EPS15: variants seen among roughly 807,000 people sequenced by gnomAD.
EPS15 encodes the protein epidermal growth factor receptor pathway substrate 15, also known as epidermal growth factor receptor substrate 15.
EPS15 carries 72 observed loss-of-function variants against 113.8 expected under a neutral mutation model. The observed-to-expected ratio is 0.63, with a 90% CI of 0.52 to 0.77. The LOEUF (loss-of-function observed/expected upper bound fraction) is 0.77. EPS15 is among the 30% of genes least tolerant of loss of function. The pLI is 0.00. For missense variants in EPS15, 1,048 were observed against 1,045.8 expected (o/e 1.00, Z -0.03); for synonymous variants, 344 against 363.4 (o/e 0.95, Z 0.61).
intron 1 of EPS15, among the ~76,000 whole-genome samples, chr1:51,495,864 C>T (rs543071918): frequency 1.3e-4 from 20 of 152,210 alleles, no homozygotes; most frequent in African/African-American, 4.6e-4. Context: ...GGTAAATAAA[C>T]ATGCCAATAT....
chr1:51,394,830 C>T (rs1335635826), intron 20 of EPS15, among the ~76,000 whole-genome samples: 1 of 152,090 alleles, frequency 6.6e-6, no homozygotes, highest in Admixed American at 6.6e-5. Context: ...CATAATCTTG[C>T]TAGTTGTATA....
rs370978618 is a variant in EPS15, at chr1:51,496,412, A to G, written c.34-15098T>C. 9.2e-5 allele frequency among the ~76,000 whole-genome samples: 14 copies of G among 152,304 alleles called. No individual in the cohort carries two copies. In the South Asian group the frequency reaches 2.5e-3, roughly 27 times the overall value. On this transcript the variant is annotated intron_variant, in intron 1 of 24. Coordinates refer to ENST00000371733, the MANE Select transcript of EPS15 (RefSeq NM_001981.3). ...CAGAGAAGTATACCATATTCCCCCA[A>G]TTCTAAGAAACCTTTAGTTGTAAGT... is the stretch of plus-strand genomic sequence containing the variant.
At chr1:51,473,207 C>G (rs1427863512) in intron 2 of EPS15, among the ~76,000 whole-genome samples, 1 of 152,130 alleles carries the variant, frequency 6.6e-6, no homozygotes, top group Non-Finnish European at 1.5e-5. Flanking sequence ...AGAGGATTGT[C>G]AAAGCAAATT....
chr1:51,420,659 A>G (rs1650667273), intron 13 of EPS15, among the ~76,000 whole-genome samples: 1 of 152,186 alleles, frequency 6.6e-6, no homozygotes, highest in African/African-American at 2.4e-5. Context: ...TGCCAGAGAG[A>G]GAATTATATT....
At chr1:51,406,245 GCAGGAGGACTGCTTCAGCC>G (rs1283133126) in intron 15 of EPS15, 137 bp from the exon 16 acceptor site, 2 of 690,922 alleles carry the variant, frequency 2.9e-6, no homozygotes, top group Non-Finnish European at 4.9e-6. Flanking sequence ...GGAAACTGAG[GCAGGAGGACTGCTTCAGCC>G]CAGGAGTTCA....
chr1:51,370,349 A>G (rs1646616569), intron 21 of EPS15, among the ~76,000 whole-genome samples: 1 of 152,102 alleles, frequency 6.6e-6, no homozygotes, highest in Non-Finnish European at 1.5e-5. Context: ...TGGATTTCAG[A>G]TTTTTGCAGA....
intron 13 of EPS15, among the ~76,000 whole-genome samples, chr1:51,415,474 T>C (rs1011728028): frequency 2.0e-4 from 31 of 152,114 alleles, no homozygotes; most frequent in Admixed American, 8.5e-4. Flanking sequence ...TGTCTCTCTA[T>C]GTCTATTTCT....
At chr1:51,442,342 G>A (rs973969607) in intron 11 of EPS15, among the ~76,000 whole-genome samples, 6 of 152,008 alleles carry the variant, frequency 3.9e-5, no homozygotes, top group Admixed American at 1.3e-4. Flanking sequence ...ATGTACCAAA[G>A]AACTTGTGAC....
intron 12 of EPS15, among the ~76,000 whole-genome samples, chr1:51,426,532 AC>A (rs1287483308): frequency 1.3e-5 from 2 of 150,740 alleles, no homozygotes; most frequent in African/African-American, 4.9e-5. Context: ...GACAAACACG[AC>A]CCTAGATGTT....
rs1646226168 is a variant in EPS15 at position 51,356,761 on chromosome 1, T to C, written c.2630A>G (p.Gln877Arg). Reference sequence around the variant, plus strand: ...AGCCAGTTCTAAGTCTTCTTGTTCCTGCTGATTTAGTCGGGCAAGCCTCTG... The same window carrying C: ...AGCCAGTTCTAAGTCTTCTTGTTCCCGCTGATTTAGTCGGGCAAGCCTCTG... ...EEQRLARLNQ[Q>R]EQEDLELAIA... Residue 877 changes from glutamine to arginine, a missense_variant, in exon 25 of 25, where the codon CAG (glutamine) becomes CGG (arginine). Physicochemically the swap from Gln to Arg is conservative, Grantham distance 43 (BLOSUM62 1). Coordinates refer to ENST00000371733, the MANE Select transcript of EPS15 (RefSeq NM_001981.3). 6.2e-7 allele frequency: 1 copy of C among 1,613,900 alleles called. No individual in the cohort carries two copies. The highest frequency in any genetic ancestry group is 8.5e-7 in the Non-Finnish European group (1 of 1,179,862).
chr1:51,421,450 C>G (rs1650746386), intron 13 of EPS15, among the ~76,000 whole-genome samples: 1 of 151,984 alleles, frequency 6.6e-6, no homozygotes. Context: ...AGATGATGAT[C>G]TCACTCTAAT....
chr1:51,488,982 G>A (rs927935779), intron 1 of EPS15, among the ~76,000 whole-genome samples: 34 of 152,000 alleles, frequency 2.2e-4, no homozygotes, highest in Admixed American at 1.2e-3. Flanking sequence ...GGATTGCGAC[G>A]GAAAACATGG....
At chr1:51,457,503 A>G (rs1654096663) in intron 8 of EPS15, 1 of 146,302 alleles carries the variant, frequency 6.8e-6, no homozygotes, top group African/African-American at 2.5e-5. Context: ...GGATTTTGGA[A>G]TATTATCTTT....
chr1:51,515,883 A>C (rs145144934), intron 1 of EPS15, among the ~76,000 whole-genome samples: 87 of 152,346 alleles, frequency 5.7e-4, no homozygotes, highest in African/African-American at 2.1e-3. Context: ...AATTTGTAAA[A>C]CATATCGTTA....
At position 51,356,289 on chromosome 1, in the gene EPS15, G is replaced by A. The variant is rs982658494; in HGVS notation, c.*411C>T. 8.8e-6 allele frequency: 2 copies of A among 227,076 alleles called. No homozygotes were observed. The highest frequency in any genetic ancestry group is 1.7e-5 in the Non-Finnish European group (2 of 114,590). 14.1% of individuals were successfully genotyped at this position (227,076 alleles called of 1,614,324 possible). On this transcript the variant is annotated 3_prime_UTR_variant, in exon 25 of 25. Coordinates refer to ENST00000371733, the MANE Select transcript of EPS15 (RefSeq NM_001981.3). ...ACCCTCACTCAACCATTCCAATCAG[G>A]GGAGAATACTGCAAACTTTAAGAAC... is the stretch of plus-strand genomic sequence containing the variant.
intron 21 of EPS15, among the ~76,000 whole-genome samples, chr1:51,375,004 T>G (rs891139246): frequency 2.2e-5 from 3 of 138,336 alleles, no homozygotes; most frequent in Admixed American, 2.1e-4. Context: ...TTCTTTTTTT[T>G]TTTTTTTTTT....
chr1:51,380,794 G>C (rs927693642), intron 21 of EPS15, among the ~76,000 whole-genome samples: 1 of 152,094 alleles, frequency 6.6e-6, no homozygotes, highest in African/African-American at 2.4e-5. Flanking sequence ...CTGTATAAGA[G>C]AGATTCACTT....
intron 1 of EPS15, among the ~76,000 whole-genome samples, chr1:51,517,600 G>C (rs897591767): frequency 6.6e-6 from 1 of 152,204 alleles, no homozygotes; most frequent in Non-Finnish European, 1.5e-5. Context: ...CTTGTTTAAT[G>C]CAAGTCACTA....
At chr1:51,456,560 A>G (rs1654011439) in intron 8 of EPS15, among the ~76,000 whole-genome samples, 1 of 152,246 alleles carries the variant, frequency 6.6e-6, no homozygotes, top group South Asian at 2.1e-4. Flanking sequence ...AGGACTGATC[A>G]TATAAATAAG....
Sources: allele counts gnomAD v4.1 joint callset (sites outside exome capture counted in the v4.1 genomes callset), GRCh38; gene constraint gnomAD v4.1.1; transcripts MANE v1.5; gene names NCBI Gene and HGNC (gene_info 2026-07-23, HGNC 2026-07-21).